TXNDC8: variants seen among roughly 807,000 people sequenced by gnomAD.
The protein encoded by TXNDC8 is thioredoxin domain-containing protein 8.
A neutral mutation model predicts 12.9 loss-of-function variants in TXNDC8; 15 were observed. That is an observed-to-expected ratio of 1.16 (90% CI 0.78 to 1.79). TXNDC8 has a LOEUF of 1.79. Among genes scored for constraint, TXNDC8 ranks in the 40% most tolerant of loss-of-function variants. The pLI is 0.00. For synonymous variants in TXNDC8, 40 were observed against 35.4 expected (o/e 1.13, Z -0.46); for missense variants, 128 against 113.2 (o/e 1.13, Z -0.59).
chr9:110,304,381 A>C, intron 4 of TXNDC8, 86 bp downstream of exon 5: 1 of 1,227,658 alleles, frequency 8.1e-7, no homozygotes, highest in Non-Finnish European at 1.2e-6. Context: ...TCCAGGCAGC[A>C]GCATTCTGCC....
chr9:110,314,693 A>G (rs1353088267), intron 3 of TXNDC8, among the ~76,000 whole-genome samples: 1 of 152,036 alleles, frequency 6.6e-6, no homozygotes, highest in African/African-American at 2.4e-5. Context: ...CGGCCTCCCA[A>G]AGTGCTGGGA....
At chr9:110,313,575 C>T (rs973267758) in intron 3 of TXNDC8, among the ~76,000 whole-genome samples, 3 of 152,128 alleles carry the variant, frequency 2.0e-5, no homozygotes, top group Non-Finnish European at 4.4e-5. Context: ...GTGGCACATG[C>T]CTGTAATCCC....
intron 1 of TXNDC8, among the ~76,000 whole-genome samples, chr9:110,336,128 G>A (rs774727454): frequency 2.6e-5 from 4 of 152,176 alleles, no homozygotes; most frequent in Non-Finnish European, 4.4e-5. Context: ...CACCATGATT[G>A]TGAGGTCTTC....
intron 2 of TXNDC8, 125 bp from the exon 4 acceptor site, chr9:110,326,365 C>T (rs1839319178): frequency 6.1e-6 from 5 of 824,876 alleles, no homozygotes; most frequent in South Asian, 3.2e-5. Flanking sequence ...ACTTTACAGA[C>T]TCTCCTGCTA....
At chr9:110,333,793 G>T (rs1224187964) in intron 2 of TXNDC8, among the ~76,000 whole-genome samples, 1 of 151,974 alleles carries the variant, frequency 6.6e-6, no homozygotes, top group Non-Finnish European at 1.5e-5. Flanking sequence ...AAAGACATAT[G>T]GTTTGTTCTG....
At chr9:110,305,611 T>TTTCTTTCG (rs1564092952) in intron 3 of TXNDC8, among the ~76,000 whole-genome samples, 3 of 141,518 alleles carry the variant, frequency 2.1e-5, no homozygotes, top group Non-Finnish European at 4.6e-5. Flanking sequence ...TCTTTCTTTC[T>TTTCTTTCG]TTTTCTTCCT....
intron 3 of TXNDC8, among the ~76,000 whole-genome samples, chr9:110,313,426 C>T (rs890146146): frequency 1.3e-5 from 2 of 152,080 alleles, no homozygotes; most frequent in South Asian, 4.1e-4. Flanking sequence ...TTAGGCTGGA[C>T]ACAGTGGCTC....
chr9:110,324,523 T>A (rs1174605970), intron 3 of TXNDC8, among the ~76,000 whole-genome samples: 1 of 151,818 alleles, frequency 6.6e-6, no homozygotes, highest in Non-Finnish European at 1.5e-5. Flanking sequence ...AATTATTCTT[T>A]ATAACTTTTT....
intron 2 of TXNDC8, 56 bp from the exon 4 acceptor site, chr9:110,326,296 C>T: frequency 6.3e-7 from 1 of 1,580,764 alleles, no homozygotes; most frequent in Non-Finnish European, 8.7e-7. Flanking sequence ...CTCTCTGTAC[C>T]AAGCATGTTA....
intron 3 of TXNDC8, chr9:110,322,514 C>G (rs1839142995): frequency 1.0e-6 from 1 of 985,440 alleles, no homozygotes; most frequent in Non-Finnish European, 1.2e-6. Flanking sequence ...GAGGGCACTT[C>G]CATCCCCATA....
intron 1 of TXNDC8, among the ~76,000 whole-genome samples, chr9:110,334,741 G>A (rs1216010534): frequency 1.3e-5 from 2 of 152,192 alleles, no homozygotes; most frequent in African/African-American, 4.8e-5. Context: ...GCCAGGGAGG[G>A]ATGGGGGCTG....
intron 3 of TXNDC8, among the ~76,000 whole-genome samples, chr9:110,315,184 G>C (rs142839459): frequency 2.6e-5 from 4 of 151,982 alleles, no homozygotes; most frequent in African/African-American, 9.6e-5. Context: ...TGCAACCTCC[G>C]CCTGCTGGGT....
At chr9:110,327,747 A>G (rs971971523) in intron 2 of TXNDC8, among the ~76,000 whole-genome samples, 1 of 152,100 alleles carries the variant, frequency 6.6e-6, no homozygotes, top group Non-Finnish European at 1.5e-5. Context: ...AAGCAAATCT[A>G]TTTTGCTTAC....
At chr9:110,330,142 A>C (rs1190649285) in intron 2 of TXNDC8, among the ~76,000 whole-genome samples, 1 of 152,094 alleles carries the variant, frequency 6.6e-6, no homozygotes, top group East Asian at 1.9e-4. Context: ...TGGCATTTTG[A>C]ATTGTTTGCT....
chr9:110,315,298 A>G (rs1026704941), intron 3 of TXNDC8, among the ~76,000 whole-genome samples: 1 of 151,916 alleles, frequency 6.6e-6, no homozygotes, highest in Non-Finnish European at 1.5e-5. Context: ...GGGTTTTGCC[A>G]TGTTGGCCAG....
intron 3 of TXNDC8, among the ~76,000 whole-genome samples, chr9:110,319,889 C>T (rs1435259659): frequency 6.6e-6 from 1 of 152,136 alleles, no homozygotes; most frequent in African/African-American, 2.4e-5. Flanking sequence ...CTTTTATAAT[C>T]TCAGCAAGAG....
chr9:110,331,978 TA>T (rs998303236), intron 2 of TXNDC8, among the ~76,000 whole-genome samples: 41 of 152,032 alleles, frequency 2.7e-4, no homozygotes, highest in Admixed American at 4.6e-4. Flanking sequence ...TACTATGAGT[TA>T]AAAAAAATTA....
chr9:110,333,519 A>G (rs567805383), intron 2 of TXNDC8, among the ~76,000 whole-genome samples: 1 of 152,296 alleles, frequency 6.6e-6, no homozygotes, highest in East Asian at 1.9e-4. Flanking sequence ...TAGAGTTAAC[A>G]TTAGGGTGTT....
intron 3 of TXNDC8, among the ~76,000 whole-genome samples, chr9:110,310,394 G>A (rs966924721): frequency 3.9e-5 from 6 of 152,076 alleles, no homozygotes; most frequent in Non-Finnish European, 5.9e-5. Flanking sequence ...GCAAATTTAA[G>A]GCGATTTAGC....
Sources: allele counts gnomAD v4.1 joint callset (sites outside exome capture counted in the v4.1 genomes callset), GRCh38; gene constraint gnomAD v4.1.1; transcripts MANE v1.5; gene names NCBI Gene and HGNC (gene_info 2026-07-23, HGNC 2026-07-21).